MROH2A: variants seen among roughly 807,000 people sequenced by gnomAD.
The protein encoded by MROH2A is maestro heat like repeat family member 2A.
MROH2A carries 174 observed loss-of-function variants against 200.4 expected under a neutral mutation model. The observed-to-expected ratio is 0.87, with a 90% CI of 0.77 to 0.98. MROH2A has a LOEUF of 0.98. Among genes scored for constraint, MROH2A ranks in the 50% least tolerant of loss-of-function variants. The pLI, the probability that MROH2A is intolerant of heterozygous loss-of-function variation, is 0.00. For missense variants in MROH2A, 2,045 were observed against 2,139.6 expected, an observed-to-expected ratio of 0.96 and a Z score of 0.87; for synonymous variants, 829 against 840.4, an observed-to-expected ratio of 0.99 and a Z score of 0.23.
chr2:233,798,696 G>T (rs970629173), intron 11 of MROH2A, 78 bp from the exon 12 acceptor site: 1 of 1,027,458 alleles, frequency 9.7e-7, no homozygotes, highest in African/African-American at 1.6e-5. Flanking sequence ...GACAGAACGT[G>T]AGGCCCTGAT....
Position 233,811,866 on chromosome 2 carries a change from C to G in MROH2A, c.2572-14C>G. The G allele has an allele frequency of 6.5e-7, 1 of 1,545,798 alleles. No homozygotes were observed. Among genetic ancestry groups the G allele is most frequent in the Non-Finnish European group, 8.8e-7 (1 of 1,142,788 alleles). On this transcript the variant is annotated splice_polypyrimidine_tract_variant and intron_variant, in intron 23 of 41. Coordinates refer to ENST00000389758, the MANE Select transcript of MROH2A (RefSeq NM_001394639.1). ...GGTCACCAAAAGCCACCACCCCCTG[C>G]TTGTGTTGGACAGGCGGTCATCAAG...
chr2:233,787,485 A>ATATATATATACACATATACATATATAT (rs1701271574), intron 3 of MROH2A, among the ~76,000 whole-genome samples: 3 of 127,732 alleles, frequency 2.3e-5, no homozygotes, highest in Non-Finnish European at 3.1e-5. Flanking sequence ...TACATATATA[A>ATATATATATACACATATACATATATAT]TATATATACA....
At chr2:233,790,158 G>A in intron 5 of MROH2A, 144 bp downstream of exon 5, 1 of 808,884 alleles carries the variant, frequency 1.2e-6, no homozygotes. Flanking sequence ...TTCATTTTGT[G>A]TCTGCAGTCC....
chr2:233,832,172 T>C lies in MROH2A; in HGVS notation c.4735-5T>C. 1.3e-6 allele frequency: 2 copies of C among 1,550,268 alleles called. No individual in the cohort carries two copies. Among genetic ancestry groups the C allele is most frequent in the East Asian group, 2.4e-5 (1 of 40,922 alleles). ...AAAGCTGTGTGTATCACTTACTTTT[T>C]GCAGACTCGGAAAAAGCCGGCTGTT... On this transcript the variant is annotated splice_region_variant and splice_polypyrimidine_tract_variant and intron_variant, in intron 39 of 41. Transcript: ENST00000389758.
intron 35 of MROH2A, among the ~76,000 whole-genome samples, chr2:233,825,921 C>CTTTTTTTTTTTTTTTTTTTTTTTT (rs34849761): frequency 1.0e-5 from 1 of 95,246 alleles, no homozygotes; most frequent in Admixed American, 1.3e-4. Context: ...TTTCTTTTTC[C>CTTTTTTTTTTTTTTTTTTTTTTTT]TTTTTTTTTT....
chr2:233,785,983 T>C (rs1319031469), intron 3 of MROH2A, among the ~76,000 whole-genome samples: 1 of 152,206 alleles, frequency 6.6e-6, no homozygotes, highest in East Asian at 1.9e-4. Context: ...ATAGCTCCCA[T>C]AATTCCCACA....
rs1703839723 is a variant in MROH2A, at chr2:233,820,147, T to C, written c.3512+91T>C. 1.7e-5 allele frequency: 21 copies of C among 1,238,776 alleles called. No individual in the cohort carries two copies. In the South Asian group the frequency reaches 3.3e-4, roughly 19 times the overall value. The allele number at this position is 1,238,776 out of a possible 1,614,324, so 76.7% of individuals were successfully genotyped here. Reference sequence around the variant, plus strand: ...CGATGTGTCCCAGAAGCCTGGAGCCTTGGGCAGTACCCTGCCCCACCCTGA... The same window carrying C: ...CGATGTGTCCCAGAAGCCTGGAGCCCTGGGCAGTACCCTGCCCCACCCTGA... On this transcript the variant is annotated intron_variant, in intron 31 of 41. Coordinates refer to ENST00000389758, the MANE Select transcript of MROH2A (RefSeq NM_001394639.1). The surrounding 1 kb of genome is among the most constrained non-coding windows in gnomAD (Gnocchi z 4.1).
intron 34 of MROH2A, 42 bp downstream of exon 34, chr2:233,823,060 G>A (rs2124881731): frequency 1.3e-6 from 2 of 1,545,914 alleles, no homozygotes; most frequent in Non-Finnish European, 1.7e-6. Flanking sequence ...GACCTGCAGA[G>A]GCACCTCCTT....
Position 233,794,419 on chromosome 2 carries a change from C to T in MROH2A, c.879C>T (p.Asn293=), listed in dbSNP as rs187531871. The T allele has an allele frequency of 6.3e-3, 9,811 of 1,550,478 alleles. 43 individuals carry two copies. The highest frequency in any genetic ancestry group is 7.6e-3 in the Non-Finnish European group (8,687 of 1,146,968). The change falls in exon 8 of 42, where the codon AAC becomes AAT. Residue 293 remains asparagine (N), a synonymous_variant. Transcript: ENST00000389758. Reference sequence around the variant, plus strand: ...CCATGCTCGGCCTCCTTCTGCCCAACGATGACCTGCGGGAGCAGGTCTACG... The same window carrying T: ...CCATGCTCGGCCTCCTTCTGCCCAATGATGACCTGCGGGAGCAGGTCTACG... ...LKPMLGLLLP[N]DDLREQVYDY...
intron 28 of MROH2A, 36 bp downstream of exon 28, chr2:233,818,161 G>T (rs752028285): frequency 3.2e-5 from 49 of 1,547,030 alleles, no homozygotes; most frequent in Middle Eastern, 3.3e-4. Flanking sequence ...CAGCTCCTCT[G>T]GGAGGGAGAG....
chr2:233,819,612 A>G, intron 30 of MROH2A, 143 bp downstream of exon 30: 2 of 946,810 alleles, frequency 2.1e-6, no homozygotes, highest in Non-Finnish European at 3.1e-6. Flanking sequence ...AGGAGGAAAC[A>G]GAGTTCTAGA....
chr2:233,810,812 G>A lies in MROH2A; in HGVS notation c.2467G>A (p.Ala823Thr). ...GGCTCAGGACATCTGTCTCAAAATG[G>A]CCTTCATGAAGAGTGTTGTGCAGGT... ...SSCQDICLKM[A>T]FMKSVVQVTK... Residue 823 changes from alanine (A) to threonine (T), a missense_variant, in exon 23 of 42, where the codon GCC (alanine) becomes ACC (threonine). This residue lies in a region of MROH2A where 1,201 missense variants were observed against 1,311.3 expected (regional missense o/e 0.92). Transcript: ENST00000389758. 6.5e-7 allele frequency: 1 copy of A among 1,550,344 alleles called. No individual in the cohort carries two copies. Among genetic ancestry groups the A allele is most frequent in the African/African-American group, 1.4e-5 (1 of 73,154 alleles).
chr2:233,789,452 G>C (rs1352954452), intron 3 of MROH2A, 45 bp from the exon 4 acceptor site: 1 of 1,343,526 alleles, frequency 7.4e-7, no homozygotes, highest in Non-Finnish European at 9.6e-7. Flanking sequence ...GACTTGTGCT[G>C]GGGGCAGGGT....
intron 22 of MROH2A, among the ~76,000 whole-genome samples, chr2:233,810,358 G>A (rs1163537463): frequency 1.3e-5 from 2 of 152,198 alleles, no homozygotes; most frequent in African/African-American, 2.4e-5. Context: ...AGAAAAATGA[G>A]GAAGAAGCAA....
chr2:233,812,734 A>G (rs1703244391), intron 24 of MROH2A, among the ~76,000 whole-genome samples: 4 of 152,344 alleles, frequency 2.6e-5, no homozygotes, highest in Admixed American at 2.0e-4. Context: ...AGGTAAACCC[A>G]CACACACATC....
chr2:233,789,826 A>G (rs1253500464), intron 4 of MROH2A, 26 bp from the exon 5 acceptor site: 3 of 1,538,486 alleles, frequency 1.9e-6, no homozygotes. Flanking sequence ...TGGTGGTGCC[A>G]TATGTCCCTC....
rs1269131113 is a variant in MROH2A, at chr2:233,792,864, G to A, written c.640G>A (p.Glu214Lys). The change falls in exon 6 of 42, where the codon GAA (glutamate) becomes AAA (lysine). Residue 214 changes from glutamate (E) to lysine (K), a missense_variant. Glu to Lys is a moderately conservative substitution (Grantham distance 56). Around this residue, in one of 3 missense-constraint regions of MROH2A, gnomAD observed 831 missense variants for 800.0 expected, o/e 1.04. Transcript: ENST00000389758. ...ATTCACCATGCTGAGACTTGCCAAT[G>A]AAGCCAAGATACGCCAGGCGATCTG... ...TIFTMLRLAN[E>K]AKIRQAICSA... is the part of the protein sequence containing the mutation. 1.3e-6 allele frequency: 2 copies of A among 1,550,480 alleles called. No individual in the cohort carries two copies. Among genetic ancestry groups the A allele is most frequent in the Non-Finnish European group, 8.7e-7 (1 of 1,147,012 alleles).
At position 233,807,626 on chromosome 2, in the gene MROH2A, T is replaced by G. The variant is rs1207264948; in HGVS notation, c.2172+84T>G. The G allele has an allele frequency of 8.9e-6, 13 of 1,460,856 alleles. No individual in the cohort carries two copies. The highest frequency in any genetic ancestry group is 1.2e-5 in the Non-Finnish European group (13 of 1,080,766). The allele number at this position is 1,460,856 out of a possible 1,614,324, so 90.5% of individuals were successfully genotyped here. On this transcript the variant is annotated intron_variant, in intron 20 of 41. Coordinates refer to ENST00000389758, the MANE Select transcript of MROH2A (RefSeq NM_001394639.1). This position sits in a 1 kb window ranked among gnomAD's most constrained non-coding sequence, Gnocchi z 4.3. ...GTGTGTTCATGTGGCTGCATGCGTTTTGTGTGTGTGTGTGTACATGTGTGT... is the reference window on the plus strand; with the variant it reads ...GTGTGTTCATGTGGCTGCATGCGTTGTGTGTGTGTGTGTGTACATGTGTGT...
chr2:233,803,605 G>A (rs1192865142), intron 16 of MROH2A, 117 bp downstream of exon 16: 3 of 1,101,358 alleles, frequency 2.7e-6, no homozygotes, highest in Middle Eastern at 2.9e-4. Flanking sequence ...GGTGCAATGA[G>A]GGAGTTTGAT....
Sources: allele counts gnomAD v4.1 joint callset (sites outside exome capture counted in the v4.1 genomes callset), GRCh38; gene constraint gnomAD v4.1.1; regional missense constraint gnomAD v4.1.1; non-coding constraint Gnocchi (gnomAD v3.1); transcripts MANE v1.5; gene names NCBI Gene and HGNC (gene_info 2026-07-23, HGNC 2026-07-21).